LRRC41: variants seen among roughly 807,000 people sequenced by gnomAD.
The protein encoded by LRRC41 is leucine rich repeat containing 41.
A neutral mutation model predicts 72.1 loss-of-function variants in LRRC41; 17 were observed. That is an observed-to-expected ratio of 0.24 (90% CI 0.16 to 0.35). The LOEUF is 0.35. LRRC41 is among the 10% of genes least tolerant of loss of function. The probability of loss-of-function intolerance (pLI) is 1.00; values close to 1 mark genes in which losing one functional copy is unlikely to be tolerated. For synonymous variants in LRRC41, 427 were observed against 431.0 expected (o/e 0.99, Z 0.11); for missense variants, 759 against 1,065.0 (o/e 0.71, Z 4.00).
At chr1:46,289,271 CTG>C (rs1044294443) in intron 3 of LRRC41, among the ~76,000 whole-genome samples, 8 of 152,186 alleles carry the variant, frequency 5.3e-5, no homozygotes, top group African/African-American at 1.7e-4. Flanking sequence ...CATTCACTAA[CTG>C]TAATTTAGGC....
At position 46,279,196 on chromosome 1, in the gene LRRC41, A is replaced by G. The variant is rs756766782; in HGVS notation, c.2205T>C (p.Cys735=). ...VFSEDSSSSL[C]QLDISSNCIK... ...CCCTCATGTACCTGATGTCCAGCTG[A>G]CAGAGAGAGGAGGATGAATCCTCTG... The change falls in exon 9 of 10, where the codon TGT becomes TGC. Residue 735 remains cysteine (C), a synonymous_variant. Transcript: ENST00000617190. The surrounding 1 kb of genome is among the most constrained non-coding windows in gnomAD (Gnocchi z 4.5). The G allele has an allele frequency of 7.4e-6, 12 of 1,614,056 alleles. No individual in the cohort carries two copies. The highest frequency in any genetic ancestry group is 9.3e-6 in the Non-Finnish European group (11 of 1,179,986).
At chr1:46,281,868 C>T (rs1660782090) in intron 4 of LRRC41, among the ~76,000 whole-genome samples, 1 of 152,154 alleles carries the variant, frequency 6.6e-6, no homozygotes, top group African/African-American at 2.4e-5. Flanking sequence ...CACTTGAGGC[C>T]AGGAGTTCCA....
chr1:46,289,876 T>C (rs1360736034), intron 3 of LRRC41, among the ~76,000 whole-genome samples: 1 of 152,214 alleles, frequency 6.6e-6, no homozygotes. Flanking sequence ...TTTAGTACTT[T>C]GTTTTCTGTG....
intron 3 of LRRC41, among the ~76,000 whole-genome samples, chr1:46,290,588 T>C (rs1356092010): frequency 2.0e-5 from 3 of 150,670 alleles, no homozygotes; most frequent in African/African-American, 7.3e-5. Flanking sequence ...TAATACTTGC[T>C]GTATTTAATA....
rs1396057785 is a variant in LRRC41, at chr1:46,302,564, C to G, written c.199+560G>C. ...GGCCTCTCCCCCTGCCCCATTCCCT[C>G]GCTCTCCAATCTGCTGTCCTCCCCT... On this transcript the variant is annotated intron_variant, in intron 1 of 9. Transcript: ENST00000617190. This position sits in a 1 kb window ranked among gnomAD's most constrained non-coding sequence, Gnocchi z 4.7. 10 of 985,106 alleles carry G rather than the reference C, an allele frequency of 1.0e-5. No individual in the cohort carries two copies. 61.0% of individuals were successfully genotyped at this position (985,106 alleles called of 1,614,324 possible).
chr1:46,292,391 C>G (rs1289307611), intron 3 of LRRC41, among the ~76,000 whole-genome samples: 1 of 152,148 alleles, frequency 6.6e-6, no homozygotes, highest in African/African-American at 2.4e-5. Flanking sequence ...GCCACCACAT[C>G]CAGCCAGCCT....
chr1:46,280,598 C>T lies in LRRC41; in HGVS notation c.1757-38G>A, dbSNP rs1660752756. The T allele has an allele frequency of 1.9e-6, 3 of 1,601,564 alleles. No individual in the cohort carries two copies. In the East Asian group the frequency reaches 6.7e-5, roughly 36 times the overall value. ...GGGAAAGAAGATTCCAGCTGGCCAT[C>T]TCTACCTCACTCCCATAGCAGGTCC... On this transcript the variant is annotated intron_variant, in intron 5 of 9. Transcript: ENST00000617190.
chr1:46,291,295 A>G (rs1406925589), intron 3 of LRRC41, among the ~76,000 whole-genome samples: 2 of 152,044 alleles, frequency 1.3e-5, no homozygotes, highest in Non-Finnish European at 2.9e-5. Flanking sequence ...GAGTATCTCA[A>G]TTTTTATATA....
Position 46,279,755 on chromosome 1 carries a change from G to A in LRRC41, c.2021-141C>T. ...GGAATTTGTCTAGACTCCAAGCAAGGCTGGAACTAAATCAGAATCCAAACT... is the reference window on the plus strand; with the variant it reads ...GGAATTTGTCTAGACTCCAAGCAAGACTGGAACTAAATCAGAATCCAAACT... On this transcript the variant is annotated intron_variant, in intron 7 of 9. Coordinates refer to ENST00000617190, the MANE Select transcript of LRRC41 (RefSeq NM_006369.5). The surrounding 1 kb of genome is among the most constrained non-coding windows in gnomAD (Gnocchi z 4.5). 1.0e-6 allele frequency: 1 copy of A among 977,434 alleles called. No homozygotes were observed. The highest frequency in any genetic ancestry group is 1.5e-6 in the Non-Finnish European group (1 of 650,526). The allele number at this position is 977,434 out of a possible 1,614,324, so 60.5% of individuals were successfully genotyped here.
At chr1:46,281,008 T>A in intron 5 of LRRC41, 117 bp downstream of exon 5, 1 of 1,404,144 alleles carries the variant, frequency 7.1e-7, no homozygotes, top group Non-Finnish European at 9.7e-7. Context: ...AGGTTCCAGA[T>A]AAGCCAGGAA....
intron 1 of LRRC41, chr1:46,301,935 C>T (rs1018916371): frequency 2.0e-6 from 2 of 984,788 alleles, no homozygotes; most frequent in African/African-American, 3.5e-5. Context: ...AGGCCCGAGG[C>T]CTCCCCTGTC....
intron 3 of LRRC41, among the ~76,000 whole-genome samples, chr1:46,287,103 C>T (rs1437695218): frequency 1.3e-5 from 2 of 150,798 alleles, no homozygotes; most frequent in South Asian, 2.1e-4. Flanking sequence ...GCACCTAGCC[C>T]CTTATCCCAA....
chr1:46,294,308 A>G (rs1022752433), intron 3 of LRRC41, among the ~76,000 whole-genome samples: 1 of 151,276 alleles, frequency 6.6e-6, no homozygotes, highest in Admixed American at 6.6e-5. Context: ...GGGTTTCTCC[A>G]TGTTGCCCAG....
chr1:46,303,596 G>T lies in LRRC41; in HGVS notation c.-274C>A, dbSNP rs959746945. ...CAGCTACCCCTAACCTCTGCCTGCG[G>T]CTGGTAGTACATGCCAATCTGAGCA... is the stretch of plus-strand genomic sequence containing the variant. On this transcript the variant is annotated 5_prime_UTR_variant, in exon 1 of 10. Coordinates refer to ENST00000617190, the MANE Select transcript of LRRC41 (RefSeq NM_006369.5). The T allele has an allele frequency of 1.1e-5, 11 of 1,016,162 alleles. No homozygotes were observed. The highest frequency in any genetic ancestry group is 3.2e-5 in the African/African-American group (2 of 62,072). The allele number at this position is 1,016,162 out of a possible 1,614,324, so 62.9% of individuals were successfully genotyped here.
Position 46,285,174 on chromosome 1 carries a change from C to G in LRRC41, c.1495+188G>C. On this transcript the variant is annotated intron_variant, in intron 4 of 9. Coordinates refer to ENST00000617190, the MANE Select transcript of LRRC41 (RefSeq NM_006369.5). The surrounding 1 kb of genome is among the most constrained non-coding windows in gnomAD (Gnocchi z 5.3). ...GGAACCCCTGCTTTCAACAACTAAT[C>G]AAGTGTATAGACTTTATGTTCCTCT... 2 of 624,004 alleles carry G rather than the reference C, an allele frequency of 3.2e-6. No homozygotes were observed. The highest frequency in any genetic ancestry group is 2.9e-6 in the Non-Finnish European group (1 of 349,094). 38.7% of individuals were successfully genotyped at this position (624,004 alleles called of 1,614,324 possible). A position where few individuals can be genotyped will look rare whatever the true frequency, so the allele number is the denominator to read the frequency against.
In LRRC41 at chr1:46,278,742, A is replaced by C. The variant is rs1269529970; in HGVS notation, c.*123T>G. On this transcript the variant is annotated 3_prime_UTR_variant, in exon 10 of 10. Transcript: ENST00000617190. ...GGACCTCAGTGCAAGGGAAGAAGGA[A>C]AAAAGAGAAAAAAGGTGACAGAAAG... The C allele has an allele frequency of 1.0e-6, 1 of 1,002,912 alleles. No homozygotes were observed. The highest frequency in any genetic ancestry group is 2.5e-5 in the East Asian group (1 of 40,084). 62.1% of individuals were successfully genotyped at this position (1,002,912 alleles called of 1,614,324 possible).
At chr1:46,299,246 T>G (rs1179002523) in intron 1 of LRRC41, 1 of 152,378 alleles carries the variant, frequency 6.6e-6, no homozygotes, top group Non-Finnish European at 1.5e-5. Flanking sequence ...CTTTAAGCCT[T>G]AGTTTCTTCA....
chr1:46,285,582 C>T lies in LRRC41; in HGVS notation c.1275G>A (p.Glu425=), dbSNP rs1388652991. 39 of 1,613,624 alleles carry T rather than the reference C, an allele frequency of 2.4e-5. No homozygotes were observed. Among genetic ancestry groups the T allele is most frequent in the Non-Finnish European group, 3.3e-5 (39 of 1,179,642 alleles). ...CCCCAATCTCCATCTCTTCGCCATC[C>T]TCCTTCTCGCCAGCCACAATAAAAA... The part of the protein sequence containing the change: ...DFVFIVAGEK[E]DGEEMEIGEV... The change falls in exon 4 of 10, where the codon GAG becomes GAA. Residue 425 remains glutamate (E), a synonymous_variant. Transcript: ENST00000617190. This position sits in a 1 kb window ranked among gnomAD's most constrained non-coding sequence, Gnocchi z 5.3.
Position 46,286,606 on chromosome 1 carries a change from A to G in LRRC41, c.358-107T>C. ...TTTACTGAGTCAGGCAACACTACAAATTCATTTAATCTTCACATCTCTGAG... is the reference window on the plus strand; with the variant it reads ...TTTACTGAGTCAGGCAACACTACAAGTTCATTTAATCTTCACATCTCTGAG... On this transcript the variant is annotated intron_variant, in intron 3 of 9. Coordinates refer to ENST00000617190, the MANE Select transcript of LRRC41 (RefSeq NM_006369.5). This position sits in a 1 kb window ranked among gnomAD's most constrained non-coding sequence, Gnocchi z 5.5. 3.9e-6 allele frequency: 4 copies of G among 1,032,922 alleles called. No individual in the cohort carries two copies. Among genetic ancestry groups the G allele is most frequent in the Non-Finnish European group, 5.6e-6 (4 of 716,208 alleles). The allele number at this position is 1,032,922 out of a possible 1,614,324, so 64.0% of individuals were successfully genotyped here.
Sources: gnomAD v4.1 joint callset for allele counts (sites outside exome capture counted in the v4.1 genomes callset) on GRCh38, gnomAD v4.1.1 for gene constraint, Gnocchi (gnomAD v3.1) non-coding constraint, MANE v1.5 for transcripts, NCBI Gene and HGNC (gene_info 2026-07-23, HGNC 2026-07-21) for gene names.